The following PARVB variants were observed in gnomAD, a reference collection of about 807,000 sequenced individuals.
The protein encoded by PARVB is parvin beta, also known as beta-parvin.
In PARVB, 46 loss-of-function variants were observed where a neutral mutation model predicts 47.0. That is an observed-to-expected ratio of 0.98 (90% CI 0.77 to 1.25). The LOEUF is 1.25. PARVB is among the 50% of genes most tolerant of loss of function. The pLI is 0.00. For synonymous variants in PARVB, 196 were observed against 196.3 expected (o/e 1.00, Z 0.01); for missense variants, 473 against 471.6 (o/e 1.00, Z -0.03).
intron 1 of PARVB, among the ~76,000 whole-genome samples, chr22:44,054,768 C>T (rs1182747056): frequency 3.8e-5 from 4 of 106,282 alleles, no homozygotes. Context: ...GTGGGCAGGT[C>T]ACCTGAGGTC....
chr22:44,013,865 T>C (rs758666255), intron 2 of PARVB, among the ~76,000 whole-genome samples: 7 of 152,180 alleles, frequency 4.6e-5, no homozygotes, highest in Admixed American at 6.5e-5. Flanking sequence ...ACTCCTGACC[T>C]CAAGTGATCT....
chr22:44,167,426 G>A (rs12171010), intron 12 of PARVB, among the ~76,000 whole-genome samples: 2,611 of 152,266 alleles, frequency 0.017, 80 homozygotes, highest in African/African-American at 0.06. Flanking sequence ...AGTTCTCAGA[G>A]CTCAGACCTG....
chr22:44,057,610 T>C (rs1204154527), intron 1 of PARVB, among the ~76,000 whole-genome samples: 2 of 151,746 alleles, frequency 1.3e-5, no homozygotes, highest in Non-Finnish European at 2.9e-5. Context: ...AGGAGACCAG[T>C]GGATATAGCA....
At chr22:44,118,479 G>A (rs2052963888) in intron 3 of PARVB, among the ~76,000 whole-genome samples, 1 of 152,204 alleles carries the variant, frequency 6.6e-6, no homozygotes, top group African/African-American at 2.4e-5. Context: ...AAGCCTGTCA[G>A]TAATGATGCA....
At chr22:44,102,329 C>T (rs537584251) in intron 3 of PARVB, among the ~76,000 whole-genome samples, 1 of 152,364 alleles carries the variant, frequency 6.6e-6, no homozygotes, top group African/African-American at 2.4e-5. Flanking sequence ...CCATTCCAGA[C>T]ACACCCAGAA....
At chr22:44,012,617 C>G (rs370692361) in intron 2 of PARVB, among the ~76,000 whole-genome samples, 1 of 152,152 alleles carries the variant, frequency 6.6e-6, no homozygotes, top group Admixed American at 6.5e-5. Flanking sequence ...AAAGTATAAC[C>G]TGGGGGAAAT....
intron 1 of PARVB, among the ~76,000 whole-genome samples, chr22:44,035,611 T>C (rs2050907861): frequency 6.6e-6 from 1 of 151,970 alleles, no homozygotes; most frequent in Admixed American, 6.6e-5. Flanking sequence ...GACCTTGTGA[T>C]CCGCCTGCCT....
chr22:44,030,905 C>T (rs906243476), intron 1 of PARVB, among the ~76,000 whole-genome samples: 2 of 152,056 alleles, frequency 1.3e-5, no homozygotes, highest in African/African-American at 4.8e-5. Flanking sequence ...GGCCAGCGGG[C>T]CTCCTAGCCA....
At chr22:44,126,007 T>C (rs1338984925) in intron 4 of PARVB, among the ~76,000 whole-genome samples, 3 of 151,930 alleles carry the variant, frequency 2.0e-5, no homozygotes, top group Admixed American at 1.3e-4. Flanking sequence ...TGGGAAGCCG[T>C]TGGGAGTAGG....
At chr22:44,066,267 A>G (rs2051521969) in intron 1 of PARVB, among the ~76,000 whole-genome samples, 1 of 152,212 alleles carries the variant, frequency 6.6e-6, no homozygotes, top group Non-Finnish European at 1.5e-5. Context: ...TTCAAACAGA[A>G]GCAGAGCCGG....
intron 1 of PARVB, among the ~76,000 whole-genome samples, chr22:44,055,795 A>C (rs1481028151): frequency 6.6e-6 from 1 of 152,192 alleles, no homozygotes; most frequent in Non-Finnish European, 1.5e-5. Flanking sequence ...GCGTCAGCCC[A>C]AGTGCGGGAG....
rs1411955788 is a variant in PARVB, at chr22:44,155,372, G to A, written c.844-2610G>A. Among the ~76,000 whole-genome samples the A allele has an allele frequency of 6.6e-6, 1 of 152,144 alleles. No individual in the cohort carries two copies. Among genetic ancestry groups the A allele is most frequent in the Non-Finnish European group, 1.5e-5 (1 of 68,020 alleles). On this transcript the variant is annotated intron_variant, in intron 10 of 12. Coordinates refer to ENST00000338758, the MANE Select transcript of PARVB (RefSeq NM_013327.5). This position sits in a 1 kb window ranked among gnomAD's most constrained non-coding sequence, Gnocchi z 4.8. ...GCTAGACAGCAGGTTGTGGAGAGAG[G>A]GCACCACGCTGGGTGCTTGTGAAAG...
chr22:44,025,588 G>T (rs1316666559), intron 1 of PARVB, among the ~76,000 whole-genome samples: 5 of 152,178 alleles, frequency 3.3e-5, no homozygotes, highest in Admixed American at 6.5e-5. Context: ...AGAGGGCAGG[G>T]TCTTGTCCCC....
chr22:44,151,642 C>A (rs571570048), intron 10 of PARVB, 91 bp downstream of exon 10: 5 of 1,016,042 alleles, frequency 4.9e-6, no homozygotes, highest in Non-Finnish European at 7.8e-6. Flanking sequence ...ACAAAGCTGG[C>A]GCCATTTTGT....
intron 3 of PARVB, chr22:44,115,913 A>C: frequency 6.6e-6 from 1 of 151,308 alleles, no homozygotes. Flanking sequence ...CCCTGCACCA[A>C]CACAGATACA....
chr22:44,010,550 A>T (rs1467037915), intron 2 of PARVB: 2 of 152,254 alleles, frequency 1.3e-5, no homozygotes, highest in African/African-American at 2.4e-5. Context: ...TTTTGGAAGT[A>T]CTGTGCTGAT....
At chr22:44,085,404 G>C (rs1328176360) in intron 1 of PARVB, among the ~76,000 whole-genome samples, 1 of 152,112 alleles carries the variant, frequency 6.6e-6, no homozygotes, top group Non-Finnish European at 1.5e-5. Flanking sequence ...CCGCTTCTCG[G>C]CTTCAAACTT....
chr22:44,128,786 G>A (rs1187011439), intron 4 of PARVB, among the ~76,000 whole-genome samples: 1 of 152,134 alleles, frequency 6.6e-6, no homozygotes, highest in African/African-American at 2.4e-5. Context: ...TATTTATAGA[G>A]ATAATAATAG....
At chr22:44,044,625 A>G (rs980026635) in intron 1 of PARVB, among the ~76,000 whole-genome samples, 1 of 152,104 alleles carries the variant, frequency 6.6e-6, no homozygotes, top group Non-Finnish European at 1.5e-5. Context: ...AGCTTGGACT[A>G]CAGGCATGCA....
Sources: gnomAD v4.1 joint callset for allele counts (sites outside exome capture counted in the v4.1 genomes callset) on GRCh38, gnomAD v4.1.1 for gene constraint, Gnocchi (gnomAD v3.1) non-coding constraint, MANE v1.5 for transcripts, NCBI Gene and HGNC (gene_info 2026-07-23, HGNC 2026-07-21) for gene names.